Variants in RELN observed in about 807,000 individuals in gnomAD.
The protein encoded by RELN is reelin.
A neutral mutation model predicts 427.6 loss-of-function variants in RELN; 108 were observed. That is an observed-to-expected ratio of 0.25 (90% CI 0.22 to 0.30). The LOEUF is 0.30. RELN is among the 10% of genes least tolerant of loss of function. RELN has a pLI of 1.00. For missense variants in RELN, 3,715 were observed against 4,302.8 expected, an observed-to-expected ratio of 0.86 and a Z score of 3.82; for synonymous variants, 1,524 against 1,513.4, an observed-to-expected ratio of 1.01 and a Z score of -0.16.
intron 2 of RELN, among the ~76,000 whole-genome samples, chr7:103,909,545 T>C (rs1017931910): frequency 1.4e-5 from 2 of 145,314 alleles, no homozygotes; most frequent in African/African-American, 2.6e-5. Flanking sequence ...AGGTGGATGT[T>C]GTAGTGAGCT....
chr7:103,874,644 T>G (rs1445831976), intron 2 of RELN, among the ~76,000 whole-genome samples: 1 of 147,076 alleles, frequency 6.8e-6, no homozygotes, highest in Non-Finnish European at 1.5e-5. Context: ...GGAATCCAAC[T>G]TACAAGGGAT....
At position 103,557,985 on chromosome 7, in the gene RELN, G is replaced by A. The variant is rs1386230430; in HGVS notation, c.5594C>T (p.Ser1865Leu). 8 of 1,423,030 alleles carry A rather than the reference G, an allele frequency of 5.6e-6. No individual in the cohort carries two copies. The South Asian group carries it at 9.2e-5, about 16-fold the overall frequency. 88.2% of individuals were successfully genotyped at this position (1,423,030 alleles called of 1,614,324 possible). A position where few individuals can be genotyped will look rare whatever the true frequency, so the allele number is the denominator to read the frequency against. Residue 1865 changes from serine to leucine, a missense_variant, in exon 37 of 65, where the codon TCA becomes TTA. Coordinates refer to ENST00000428762, the MANE Select transcript of RELN (RefSeq NM_005045.4). ...CTTACTTTTTGCTATAAATCTAAGT[G>A]AAAACTGGACATACATTGTATTTGT... ...DCTNTMYVQFSLRFIAKSTPE... is the reference protein window; with the variant it reads ...DCTNTMYVQFLLRFIAKSTPE...
chr7:103,679,899 C>G (rs1833617864), intron 11 of RELN, among the ~76,000 whole-genome samples: 1 of 152,128 alleles, frequency 6.6e-6, no homozygotes, highest in African/African-American at 2.4e-5. Context: ...TCTAAGCTTA[C>G]TTCATGAAGG....
intron 16 of RELN, 63 bp downstream of exon 16, chr7:103,650,211 G>C: frequency 2.0e-6 from 2 of 1,004,396 alleles, no homozygotes; most frequent in Non-Finnish European, 3.2e-6. Context: ...CTGTGCTGAC[G>C]AACAAAAGCA....
intron 6 of RELN, among the ~76,000 whole-genome samples, chr7:103,747,777 G>T (rs1022232013): frequency 6.6e-6 from 1 of 151,578 alleles, no homozygotes; most frequent in African/African-American, 2.4e-5. Context: ...GACAAAAAAG[G>T]ACTGTTTTAA....
chr7:103,870,851 G>T (rs1036911559), intron 2 of RELN, among the ~76,000 whole-genome samples: 1 of 152,090 alleles, frequency 6.6e-6, no homozygotes, highest in Non-Finnish European at 1.5e-5. Flanking sequence ...AAAGACTTCT[G>T]CAGTCCTCCT....
At chr7:103,957,087 T>C (rs751878640) in intron 1 of RELN, among the ~76,000 whole-genome samples, 10 of 152,024 alleles carry the variant, frequency 6.6e-5, no homozygotes, top group African/African-American at 2.2e-4. Context: ...ACAGATGAAA[T>C]TGGAGGGACA....
intron 16 of RELN, among the ~76,000 whole-genome samples, chr7:103,642,042 C>T (rs777985819): frequency 1.3e-5 from 2 of 152,110 alleles, no homozygotes; most frequent in Non-Finnish European, 2.9e-5. Context: ...CATTAGGACT[C>T]ATAACAGGCT....
chr7:103,499,006 G>A (rs1438002201), intron 53 of RELN, among the ~76,000 whole-genome samples: 1 of 152,162 alleles, frequency 6.6e-6, no homozygotes, highest in African/African-American at 2.4e-5. Flanking sequence ...GTCCTGGTGT[G>A]TGTGCCCTCA....
At chr7:103,591,992 T>C (rs910442536) in intron 27 of RELN, among the ~76,000 whole-genome samples, 20 of 152,150 alleles carry the variant, frequency 1.3e-4, no homozygotes, top group Non-Finnish European at 8.8e-5. Flanking sequence ...TCCCTCTAAC[T>C]ACACAGCTAA....
intron 2 of RELN, among the ~76,000 whole-genome samples, chr7:103,862,703 C>A (rs1007033398): frequency 2.0e-5 from 3 of 152,128 alleles, no homozygotes; most frequent in African/African-American, 7.2e-5. Context: ...ACAAAGTCTT[C>A]TCTAAAGTCA....
At chr7:103,962,279 C>A (rs1796573154) in intron 1 of RELN, among the ~76,000 whole-genome samples, 1 of 152,140 alleles carries the variant, frequency 6.6e-6, no homozygotes, top group African/African-American at 2.4e-5. Context: ...TGGCAGCATT[C>A]CTTGAACTCT....
Position 103,611,818 on chromosome 7 carries a change from G to A in RELN, c.2703-15C>T. On this transcript the variant is annotated splice_polypyrimidine_tract_variant and intron_variant, in intron 20 of 64. Coordinates refer to ENST00000428762, the MANE Select transcript of RELN (RefSeq NM_005045.4). ...CTCCTGTAAAACTGAAAGAGACAGA[G>A]ATGGAAATCAGAAAATTCTAAACAC... is the stretch of plus-strand genomic sequence containing the variant. 1 of 1,605,946 alleles carries A rather than the reference G, an allele frequency of 6.2e-7. No individual in the cohort carries two copies. Among genetic ancestry groups the A allele is most frequent in the Non-Finnish European group, 8.5e-7 (1 of 1,172,726 alleles).
At chr7:103,868,571 A>G (rs1223504915) in intron 2 of RELN, among the ~76,000 whole-genome samples, 11 of 151,988 alleles carry the variant, frequency 7.2e-5, no homozygotes, top group Non-Finnish European at 1.3e-4. Context: ...GTCCATCCAG[A>G]TCACCCTCCA....
At chr7:103,594,785 A>G (rs1412076845) in intron 25 of RELN, among the ~76,000 whole-genome samples, 1 of 152,232 alleles carries the variant, frequency 6.6e-6, no homozygotes, top group African/African-American at 2.4e-5. Context: ...GACAATGGTC[A>G]TAACTTTTTA....
chr7:103,845,620 A>T (rs1793655464), intron 2 of RELN, among the ~76,000 whole-genome samples: 1 of 152,282 alleles, frequency 6.6e-6, no homozygotes, highest in East Asian at 1.9e-4. Flanking sequence ...CTTTTTAGAC[A>T]TTCTCCTAAT....
intron 43 of RELN, among the ~76,000 whole-genome samples, chr7:103,542,418 A>T (rs1481198174): frequency 6.6e-6 from 1 of 152,260 alleles, no homozygotes; most frequent in Non-Finnish European, 1.5e-5. Flanking sequence ...TAAAGAAGAC[A>T]CAATATTTTA....
intron 2 of RELN, among the ~76,000 whole-genome samples, chr7:103,856,813 A>T (rs1193052079): frequency 1.3e-5 from 2 of 152,016 alleles, no homozygotes; most frequent in Non-Finnish European, 2.9e-5. Flanking sequence ...TCTATTAGCA[A>T]ATTTTTTTAT....
At chr7:103,902,388 T>C (rs964291291) in intron 2 of RELN, among the ~76,000 whole-genome samples, 2 of 152,098 alleles carry the variant, frequency 1.3e-5, no homozygotes, top group African/African-American at 2.4e-5. Flanking sequence ...ATATGATCTT[T>C]GATAACTATA....
Sources: allele counts gnomAD v4.1 joint callset (sites outside exome capture counted in the v4.1 genomes callset), GRCh38; gene constraint gnomAD v4.1.1; transcripts MANE v1.5; gene names NCBI Gene and HGNC (gene_info 2026-07-23, HGNC 2026-07-21).